FBXW9: variants seen among roughly 807,000 people sequenced by gnomAD.
FBXW9 encodes F-box/WD repeat-containing protein 9.
In FBXW9, 38 loss-of-function variants were observed where a neutral mutation model predicts 55.8. That is an observed-to-expected ratio of 0.68 (90% confidence interval 0.53 to 0.89). The LOEUF is 0.89. Ranked by LOEUF, FBXW9 falls within the 40% of genes least tolerant of loss-of-function variation. The pLI is 0.00. For synonymous variants in FBXW9, 289 were observed against 278.2 expected (o/e 1.04, Z -0.38); for missense variants, 590 against 619.4 (o/e 0.95, Z 0.50).
chr19:12,693,517 AAAAAAAAAAAAAAT>A (rs1346844024), intron 3 of FBXW9, among the ~76,000 whole-genome samples: 4 of 32,124 alleles, frequency 1.2e-4, no homozygotes, highest in African/African-American at 4.8e-4. Context: ...AAAAAAAAAA[AAAAAAAAAAAAAAT>A]ATATATATAT....
chr19:12,694,803 A>G lies in FBXW9; in HGVS notation c.545T>C (p.Leu182Pro). ...CCCCCACAGACCCCGTCTCACCTGGAGCAGCAGCACTGAGTCAACGGAAGC... is the reference window on the plus strand; with the variant it reads ...CCCCCACAGACCCCGTCTCACCTGGGGCAGCAGCACTGAGTCAACGGAAGC... Reference protein sequence around the residue: ...HVASVDSVLLLQGGSLCLSGS... With the variant: ...HVASVDSVLLPQGGSLCLSGS... The change falls in exon 2 of 10, where the codon CTC (leucine) becomes CCC (proline). Residue 182 changes from leucine to proline, a missense_variant. By Grantham distance (98) the Leu-to-Pro change is moderately conservative (BLOSUM62 -3). Transcript: ENST00000393261. The G allele has an allele frequency of 6.2e-7, 1 of 1,614,048 alleles. No homozygotes were observed. Among genetic ancestry groups the G allele is most frequent in the Non-Finnish European group, 8.5e-7 (1 of 1,179,974 alleles).
intron 3 of FBXW9, among the ~76,000 whole-genome samples, chr19:12,691,923 T>C (rs1568325752): frequency 6.6e-6 from 1 of 151,804 alleles, no homozygotes; most frequent in Non-Finnish European, 1.5e-5. Flanking sequence ...GCCCGGCTAA[T>C]TTTTGTATTA....
rs773533249 is a variant in FBXW9 at position 12,694,684 on chromosome 19, G to A, written c.588C>T (p.Asn196=). ...GCTGCCGCAGGTCCCACAAGTTGAC[G>A]TTGCGATCTCGGGAGCCCGACAGAC... The part of the protein sequence containing the change: ...SLCLSGSRDR[N]VNLWDLRQLG... Residue 196 remains asparagine (N), a synonymous_variant, in exon 3 of 10, where the codon AAC becomes AAT. Coordinates refer to ENST00000393261, the MANE Select transcript of FBXW9 (RefSeq NM_032301.3). 3.7e-6 allele frequency: 6 copies of A among 1,614,070 alleles called. No individual in the cohort carries two copies. The highest frequency in any genetic ancestry group is 2.2e-5 in the East Asian group (1 of 44,892).
rs1209873600 is a variant in FBXW9 at position 12,688,998 on chromosome 19, CA to C, written c.*217del. ...TCCAAATCATAACAAAACCAGGGCC[CA>C]AGAGTGGGAAGCGGCCCCCTGGGTG... On this transcript the variant is annotated 3_prime_UTR_variant, in exon 10 of 10. Transcript: ENST00000393261. 1.4e-6 allele frequency: 1 copy of C among 696,630 alleles called. No individual in the cohort carries two copies. Among genetic ancestry groups the C allele is most frequent in the African/African-American group, 1.7e-5 (1 of 57,150 alleles). The allele number at this position is 696,630 out of a possible 1,614,324, so 43.2% of individuals were successfully genotyped here.
At position 12,689,892 on chromosome 19, in the gene FBXW9, G is replaced by T; in HGVS notation, c.1033-18C>A. 4 of 1,613,460 alleles carry T rather than the reference G, an allele frequency of 2.5e-6. No individual in the cohort carries two copies. The highest frequency in any genetic ancestry group is 3.4e-6 in the Non-Finnish European group (4 of 1,179,446). On this transcript the variant is annotated intron_variant, in intron 6 of 9. Transcript: ENST00000393261. This position sits in a 1 kb window ranked among gnomAD's most constrained non-coding sequence, Gnocchi z 5.9. The stretch of plus-strand genomic sequence containing the variant: ...GAGTCCAGCTACGAGAGGGACAAGG[G>T]ACGGGACAGCTCAGGCCGGGCTGGG...
At chr19:12,696,061 A>T in intron 1 of FBXW9, 112 bp downstream of exon 1, 1 of 1,114,796 alleles carries the variant, frequency 9.0e-7, no homozygotes, top group Non-Finnish European at 1.2e-6. Flanking sequence ...GACAGCCACG[A>T]AGCCTGCACC....
At chr19:12,691,937 G>A (rs533829294) in intron 3 of FBXW9, among the ~76,000 whole-genome samples, 5 of 152,048 alleles carry the variant, frequency 3.3e-5, no homozygotes, top group Middle Eastern at 3.4e-3. Flanking sequence ...TGTATTATTA[G>A]TAGAGACGGG....
chr19:12,690,304 T>C, intron 5 of FBXW9, 194 bp from the exon 6 acceptor site: 1 of 848,448 alleles, frequency 1.2e-6, no homozygotes, highest in Non-Finnish European at 1.9e-6. Context: ...CCCAGGCCTC[T>C]GCCCATCCCC....
intron 3 of FBXW9, among the ~76,000 whole-genome samples, chr19:12,693,232 T>C (rs1237652366): frequency 2.0e-5 from 3 of 151,638 alleles, no homozygotes; most frequent in Admixed American, 6.6e-5. Context: ...GTGGAGATGC[T>C]CCTCCACAGC....
chr19:12,694,946 T>C lies in FBXW9; in HGVS notation c.410-8A>G, dbSNP rs1184577834. On this transcript the variant is annotated splice_region_variant and splice_polypyrimidine_tract_variant and intron_variant, in intron 1 of 9. Transcript: ENST00000393261. ...GCCAGTCAAAGTTCTTCTCTGTGGGTTACCACGAGTAGGGTGCCCAGTGGG... is the reference window on the plus strand; with the variant it reads ...GCCAGTCAAAGTTCTTCTCTGTGGGCTACCACGAGTAGGGTGCCCAGTGGG... The C allele has an allele frequency of 6.2e-7, 1 of 1,611,268 alleles. No homozygotes were observed. The highest frequency in any genetic ancestry group is 1.1e-5 in the South Asian group (1 of 90,972).
At chr19:12,695,228 G>A (rs887674359) in intron 1 of FBXW9, among the ~76,000 whole-genome samples, 1 of 152,190 alleles carries the variant, frequency 6.6e-6, no homozygotes, top group Non-Finnish European at 1.5e-5. Context: ...ACTCAGGGCA[G>A]AGCAGTCTCA....
Position 12,689,084 on chromosome 19 carries a change from C to G in FBXW9, c.*132G>C, listed in dbSNP as rs772733083. On this transcript the variant is annotated 3_prime_UTR_variant, in exon 10 of 10. Transcript: ENST00000393261. This position sits in a 1 kb window ranked among gnomAD's most constrained non-coding sequence, Gnocchi z 5.9. ...TAGGGCCCAGGCCAGGACGCTCACCCGAATGTGGCTGGGACTCCTTGTGCC... is the reference window on the plus strand; with the variant it reads ...TAGGGCCCAGGCCAGGACGCTCACCGGAATGTGGCTGGGACTCCTTGTGCC... The G allele has an allele frequency of 2.5e-6, 2 of 810,498 alleles. No homozygotes were observed. The highest frequency in any genetic ancestry group is 4.2e-6 in the Non-Finnish European group (2 of 473,094). 50.2% of individuals were successfully genotyped at this position (810,498 alleles called of 1,614,324 possible).
Position 12,691,181 on chromosome 19 carries a change from T to C in FBXW9, c.868A>G (p.Ile290Val). The C allele has an allele frequency of 6.2e-7, 1 of 1,614,172 alleles. No homozygotes were observed. Among genetic ancestry groups the C allele is most frequent in the East Asian group, 2.2e-5 (1 of 44,880 alleles). The stretch of plus-strand genomic sequence containing the variant: ...CTTGGCCCACCTCTGGGGTCGTAGA[T>C]GGTCACCTTCTTGTCATAGGTGCCA... ...VTGTYDKKVT[I>V]YDPRAGPALL... The change falls in exon 5 of 10, where the codon ATC (isoleucine) becomes GTC (valine). Residue 290 changes from isoleucine (I) to valine (V), a missense_variant. Ile to Val is a conservative substitution (Grantham distance 29). Coordinates refer to ENST00000393261, the MANE Select transcript of FBXW9 (RefSeq NM_032301.3).
intron 1 of FBXW9, among the ~76,000 whole-genome samples, chr19:12,695,303 C>T (rs1450542024): frequency 1.3e-5 from 2 of 152,166 alleles, no homozygotes; most frequent in African/African-American, 4.8e-5. Context: ...CCCTTCCTGC[C>T]TCAGCCATCT....
At chr19:12,692,446 G>A (rs527987580) in intron 3 of FBXW9, among the ~76,000 whole-genome samples, 3 of 150,802 alleles carry the variant, frequency 2.0e-5, no homozygotes, top group South Asian at 2.1e-4. Context: ...GGCTGGTCTC[G>A]AACTCCTGAC....
intron 1 of FBXW9, 66 bp downstream of exon 1, chr19:12,696,107 C>A: frequency 6.9e-7 from 1 of 1,439,046 alleles, no homozygotes; most frequent in South Asian, 1.4e-5. Context: ...GTACCTCTTC[C>A]CCGCCCCAAG....
At chr19:12,695,318 C>A (rs1247682815) in intron 1 of FBXW9, among the ~76,000 whole-genome samples, 1 of 152,158 alleles carries the variant, frequency 6.6e-6, no homozygotes. Context: ...CCATCTGAAC[C>A]AGACCAAGGG....
At position 12,691,255 on chromosome 19, in the gene FBXW9, GC is replaced by G; in HGVS notation, c.793del (p.Ala265ProfsTer16). 1.9e-6 allele frequency: 3 copies of G among 1,614,124 alleles called. No individual in the cohort carries two copies. The highest frequency in any genetic ancestry group is 2.5e-6 in the Non-Finnish European group (3 of 1,179,982). On this transcript the variant is annotated frameshift_variant and splice_region_variant, in exon 5 of 10. Coordinates refer to ENST00000393261, the MANE Select transcript of FBXW9 (RefSeq NM_032301.3). LOFTEE classifies it high-confidence loss of function. ...ADGQQFGEIK[A>X]SSAVLCLSYL... The stretch of plus-strand genomic sequence containing the variant: ...GGAGAGGCACAGCACGGCTGAGCTG[GC>G]CCTAGGGACACACAGACCACAGGGC...
rs62108391 is a variant in FBXW9, at chr19:12,691,450, C to T, written c.683G>A (p.Trp228Ter). 2 of 1,569,896 alleles carry T rather than the reference C, an allele frequency of 1.3e-6. No individual in the cohort carries two copies. The highest frequency in any genetic ancestry group is 1.7e-6 in the Non-Finnish European group (2 of 1,159,216). The stretch of plus-strand genomic sequence containing the variant: ...GTCCTGCGCTGCCAGTGACCACACC[C>T]AGCCCTGCAGGACAGGAGCAGCAGT... ...GTKRNSTHEG[W>*]VWSLAAQDHR... is the part of the protein sequence containing the mutation. Residue 228 changes from tryptophan (W) to a stop codon, truncating the protein, a stop_gained, in exon 4 of 10, where the codon TGG (tryptophan) becomes TAG (stop). Transcript: ENST00000393261. LOFTEE classifies it high-confidence loss of function.
Sources: gnomAD v4.1 joint callset for allele counts (sites outside exome capture counted in the v4.1 genomes callset) on GRCh38, gnomAD v4.1.1 for gene constraint, Gnocchi (gnomAD v3.1) non-coding constraint, MANE v1.5 for transcripts, NCBI Gene and HGNC (gene_info 2026-07-23, HGNC 2026-07-21) for gene names.